DHX40: variants seen among roughly 807,000 people sequenced by gnomAD.
DHX40 encodes probable ATP-dependent RNA helicase DHX40.
In DHX40, 28 loss-of-function variants were observed where a neutral mutation model predicts 89.6. The observed-to-expected ratio is 0.31, with a 90% CI of 0.23 to 0.43. The LOEUF (loss-of-function observed/expected upper bound fraction) is 0.43, where lower values mean the gene tolerates loss of function less well. DHX40 is among the 20% of genes least tolerant of loss of function. DHX40 has a pLI of 1.00. For synonymous variants in DHX40, 226 were observed against 283.6 expected (o/e 0.80, Z 2.04); for missense variants, 457 against 844.0 (o/e 0.54, Z 5.68).
chr17:59,587,355 C>T (rs1027630570), intron 11 of DHX40, among the ~76,000 whole-genome samples: 4 of 150,386 alleles, frequency 2.7e-5, no homozygotes, highest in African/African-American at 7.4e-5. Context: ...TCCCAGGTAG[C>T]TGGGATTATA....
chr17:59,572,815 C>A (rs181568789), intron 3 of DHX40, among the ~76,000 whole-genome samples: 3 of 152,358 alleles, frequency 2.0e-5, no homozygotes, highest in South Asian at 4.1e-4. Context: ...TTGTTTCCCA[C>A]AACTTGCTTA....
At chr17:59,585,492 G>A (rs1428147961) in intron 10 of DHX40, among the ~76,000 whole-genome samples, 2 of 151,444 alleles carry the variant, frequency 1.3e-5, no homozygotes, top group Non-Finnish European at 2.9e-5. Context: ...GGAGGCCGAG[G>A]CGGGCGGATT....
intron 2 of DHX40, among the ~76,000 whole-genome samples, chr17:59,568,324 A>T (rs570117480): frequency 6.6e-6 from 1 of 152,336 alleles, no homozygotes; most frequent in South Asian, 2.1e-4. Context: ...AGGTTTGTAA[A>T]GAGCAGTATT....
intron 14 of DHX40, among the ~76,000 whole-genome samples, chr17:59,601,872 T>A (rs993938454): frequency 3.3e-5 from 5 of 152,220 alleles, no homozygotes; most frequent in Admixed American, 6.5e-5. Context: ...TCCCCTCTAC[T>A]GAGGCAAGGC....
At chr17:59,605,079 G>T in intron 15 of DHX40, 36 bp from the exon 16 acceptor site, 1 of 1,569,702 alleles carries the variant, frequency 6.4e-7, no homozygotes, top group Non-Finnish European at 8.8e-7. Context: ...TTGCTTTACT[G>T]TTGTAGTCTT....
At chr17:59,594,760 G>A (rs1174848476) in intron 12 of DHX40, among the ~76,000 whole-genome samples, 2 of 152,044 alleles carry the variant, frequency 1.3e-5, no homozygotes, top group Non-Finnish European at 2.9e-5. Flanking sequence ...TCCCTACCGA[G>A]TAGCATTTAG....
In DHX40 at chr17:59,587,953, T is replaced by C; in HGVS notation, c.1482T>C (p.His494=). 9 of 1,613,810 alleles carry C rather than the reference T, an allele frequency of 5.6e-6. No homozygotes were observed. The highest frequency in any genetic ancestry group is 7.6e-6 in the Non-Finnish European group (9 of 1,179,810). ...TGGTGGAGTTTCCTTTGCCTCCACA[T>C]CTGACATGTGCAGTAATAAAAGCTG... The part of the protein sequence containing the change: ...LSMVEFPLPP[H]LTCAVIKAAS... Residue 494 remains histidine (H), a synonymous_variant, in exon 12 of 18, where the codon CAT becomes CAC. Transcript: ENST00000251241.
At chr17:59,602,267 A>T (rs2030577480) in intron 14 of DHX40, among the ~76,000 whole-genome samples, 1 of 152,130 alleles carries the variant, frequency 6.6e-6, no homozygotes, top group Non-Finnish European at 1.5e-5. Context: ...TCAAGGCTGA[A>T]GTTGGGGCAG....
chr17:59,594,211 G>A (rs914460752), intron 12 of DHX40, among the ~76,000 whole-genome samples: 12 of 151,232 alleles, frequency 7.9e-5, no homozygotes, highest in African/African-American at 2.7e-4. Context: ...ATTTTTGGCT[G>A]GTCTGTCTCT....
chr17:59,605,269 T>C lies in DHX40; in HGVS notation c.1971+85T>C, dbSNP rs569360511. The C allele has an allele frequency of 1.8e-5, 26 of 1,422,398 alleles. No homozygotes were observed. The African/African-American group carries it at 2.1e-4, about 12-fold the overall frequency. The allele number at this position is 1,422,398 out of a possible 1,614,324, so 88.1% of individuals were successfully genotyped here. On this transcript the variant is annotated intron_variant, in intron 16 of 17. Coordinates refer to ENST00000251241, the MANE Select transcript of DHX40 (RefSeq NM_024612.5). Reference sequence around the variant, plus strand: ...TACAAATGTCTTCTACTTTTCACTTTGGAGTTAAATTTACATATATCTATA... The same window carrying C: ...TACAAATGTCTTCTACTTTTCACTTCGGAGTTAAATTTACATATATCTATA...
chr17:59,577,454 C>T (rs2048901002), intron 8 of DHX40, 89 bp downstream of exon 8: 1 of 961,472 alleles, frequency 1.0e-6, no homozygotes, highest in Non-Finnish European at 1.6e-6. Context: ...TTTCTGTGCC[C>T]TCCACTAATT....
At chr17:59,605,724 C>A in intron 17 of DHX40, 50 bp downstream of exon 17, 1 of 1,497,670 alleles carries the variant, frequency 6.7e-7, no homozygotes, top group South Asian at 1.2e-5. Flanking sequence ...TACTGCTTCC[C>A]AGTAGTACTT....
intron 3 of DHX40, among the ~76,000 whole-genome samples, chr17:59,571,343 G>T (rs2048805189): frequency 6.6e-6 from 1 of 151,596 alleles, no homozygotes; most frequent in South Asian, 2.1e-4. Context: ...TGTAATCCCA[G>T]CTACTCAGGA....
chr17:59,574,694 C>A (rs2048856804), intron 6 of DHX40, among the ~76,000 whole-genome samples: 1 of 151,484 alleles, frequency 6.6e-6, no homozygotes, highest in African/African-American at 2.4e-5. Context: ...AGAAATGTAA[C>A]CTGACTAAAC....
At chr17:59,575,152 C>G (rs1236833790) in intron 6 of DHX40, among the ~76,000 whole-genome samples, 188 bp from the exon 7 acceptor site, 1 of 151,924 alleles carries the variant, frequency 6.6e-6, no homozygotes, top group Non-Finnish European at 1.5e-5. Context: ...TTCTTAGAAA[C>G]TGATGTTTCT....
At chr17:59,606,963 C>G in intron 17 of DHX40, 70 bp from the exon 18 acceptor site, 1 of 1,399,664 alleles carries the variant, frequency 7.1e-7, no homozygotes, top group Non-Finnish European at 9.8e-7. Flanking sequence ...CAGGGCTTCT[C>G]TTTCTCTTAA....
At chr17:59,595,466 A>C (rs2029975977) in intron 12 of DHX40, among the ~76,000 whole-genome samples, 1 of 151,732 alleles carries the variant, frequency 6.6e-6, no homozygotes, top group Non-Finnish European at 1.5e-5. Flanking sequence ...GTAGCCTGGA[A>C]ATACCAAAAA....
intron 3 of DHX40, among the ~76,000 whole-genome samples, chr17:59,570,876 A>C (rs2048797622): frequency 2.0e-5 from 3 of 152,160 alleles, no homozygotes; most frequent in Admixed American, 6.5e-5. Flanking sequence ...GAAAGAGTGG[A>C]GAGAGTTCTG....
intron 3 of DHX40, among the ~76,000 whole-genome samples, chr17:59,571,747 C>T (rs1013466837): frequency 2.6e-5 from 4 of 151,892 alleles, no homozygotes; most frequent in East Asian, 2.0e-4. Flanking sequence ...CCTGCCACCA[C>T]GCCCAGCTAA....
Sources: gnomAD v4.1 joint callset for allele counts (sites outside exome capture counted in the v4.1 genomes callset) on GRCh38, gnomAD v4.1.1 for gene constraint, MANE v1.5 for transcripts, NCBI Gene and HGNC (gene_info 2026-07-23, HGNC 2026-07-21) for gene names.